Variants in SORCS3 observed in about 807,000 individuals in gnomAD.
SORCS3 encodes VPS10 domain-containing receptor SorCS3.
In SORCS3, 57 loss-of-function variants were observed where a neutral mutation model predicts 146.3. The ratio of observed to expected loss-of-function variants is 0.39; its 90% CI spans 0.31 to 0.49. The LOEUF (loss-of-function observed/expected upper bound fraction) is 0.49. Ranked by LOEUF, SORCS3 falls within the 20% of genes least tolerant of loss-of-function variation. The pLI, the probability that SORCS3 is intolerant of heterozygous loss-of-function variation, is 0.92. For missense variants in SORCS3, 1,341 were observed against 1,575.5 expected, an observed-to-expected ratio of 0.85 and a Z score of 2.52; for synonymous variants, 653 against 618.5, an observed-to-expected ratio of 1.06 and a Z score of -0.83.
chr10:104,855,683 G>A (rs567874462), intron 2 of SORCS3, among the ~76,000 whole-genome samples: 3 of 152,108 alleles, frequency 2.0e-5, no homozygotes, highest in African/African-American at 7.2e-5. Flanking sequence ...ATTTCCCCAA[G>A]ACCTTGCTCA....
At chr10:105,090,842 G>A (rs1236854281) in intron 6 of SORCS3, among the ~76,000 whole-genome samples, 1 of 152,164 alleles carries the variant, frequency 6.6e-6, no homozygotes, top group African/African-American at 2.4e-5. Context: ...TGTATAAATG[G>A]AAGGCGATTC....
chr10:105,112,131 G>A (rs1331109018), intron 7 of SORCS3, among the ~76,000 whole-genome samples: 1 of 152,052 alleles, frequency 6.6e-6, no homozygotes. Flanking sequence ...AAAGCTTATG[G>A]TATTGTTATT....
intron 7 of SORCS3, among the ~76,000 whole-genome samples, chr10:105,118,090 T>A (rs1672921315): frequency 1.3e-5 from 2 of 152,204 alleles, no homozygotes; most frequent in South Asian, 4.1e-4. Context: ...ATGGTTTGGC[T>A]GTGTCCCCAG....
intron 1 of SORCS3, among the ~76,000 whole-genome samples, chr10:104,827,149 T>C (rs1287702227): frequency 1.3e-5 from 2 of 152,200 alleles, no homozygotes; most frequent in East Asian, 3.8e-4. Context: ...AGACTCCTAT[T>C]CATGTTGATA....
At chr10:105,147,911 A>G (rs1463720957) in intron 9 of SORCS3, 115 bp downstream of exon 9, 2 of 840,770 alleles carry the variant, frequency 2.4e-6, no homozygotes, top group Non-Finnish European at 3.6e-6. Context: ...CCACTTAGCA[A>G]TTGTATGACT....
intron 4 of SORCS3, among the ~76,000 whole-genome samples, chr10:104,984,905 A>T (rs2054953409): frequency 6.6e-6 from 1 of 152,196 alleles, no homozygotes; most frequent in Admixed American, 6.5e-5. Context: ...ATTGCTAAAA[A>T]ATGCTAATGA....
chr10:104,793,034 C>T (rs2017512772), intron 1 of SORCS3, among the ~76,000 whole-genome samples: 1 of 152,152 alleles, frequency 6.6e-6, no homozygotes, highest in Non-Finnish European at 1.5e-5. Context: ...CCATTTTCAT[C>T]ATCACAACAA....
chr10:104,725,679 G>T (rs913931477), intron 1 of SORCS3, among the ~76,000 whole-genome samples: 2 of 152,224 alleles, frequency 1.3e-5, no homozygotes, highest in Non-Finnish European at 2.9e-5. Context: ...GCAATGGCGG[G>T]TGACCCTCCC....
intron 7 of SORCS3, among the ~76,000 whole-genome samples, chr10:105,114,598 G>GGT (rs1204930679): frequency 6.6e-6 from 1 of 152,076 alleles, no homozygotes; most frequent in Non-Finnish European, 1.5e-5. Flanking sequence ...AGCCTGGGAG[G>GGT]GTTTGTGCTG....
intron 2 of SORCS3, among the ~76,000 whole-genome samples, chr10:104,873,708 A>G (rs564854256): frequency 6.6e-6 from 1 of 152,190 alleles, no homozygotes; most frequent in Non-Finnish European, 1.5e-5. Flanking sequence ...AAAATATGCA[A>G]CTAGCCCTTG....
intron 19 of SORCS3, among the ~76,000 whole-genome samples, chr10:105,219,082 G>A (rs1265752053): frequency 1.3e-5 from 2 of 152,292 alleles, no homozygotes; most frequent in East Asian, 3.9e-4. Context: ...AATCAAACTG[G>A]ATGAGGTGTG....
intron 2 of SORCS3, among the ~76,000 whole-genome samples, chr10:104,851,642 C>A (rs1322494263): frequency 1.3e-5 from 2 of 151,982 alleles, no homozygotes; most frequent in African/African-American, 4.8e-5. Flanking sequence ...GATAGGTGGG[C>A]CCTTGGAATG....
At chr10:105,226,390 T>G (rs1029390201) in intron 20 of SORCS3, among the ~76,000 whole-genome samples, 4 of 152,070 alleles carry the variant, frequency 2.6e-5, no homozygotes. Flanking sequence ...TATACTTGCA[T>G]CCCTGGGATA....
At chr10:105,246,153 A>G (rs1301011047) in intron 21 of SORCS3, among the ~76,000 whole-genome samples, 3 of 152,186 alleles carry the variant, frequency 2.0e-5, no homozygotes, top group Non-Finnish European at 2.9e-5. Flanking sequence ...GGCTAAGAAT[A>G]TAAGTTAGGA....
chr10:105,218,843 G>A (rs534994552), intron 19 of SORCS3, among the ~76,000 whole-genome samples: 6 of 152,190 alleles, frequency 3.9e-5, no homozygotes, highest in East Asian at 1.9e-4. Flanking sequence ...GGTGAAACCC[G>A]TCTCTACTAG....
intron 4 of SORCS3, among the ~76,000 whole-genome samples, chr10:105,036,714 A>G (rs1287714251): frequency 6.6e-6 from 1 of 152,198 alleles, no homozygotes; most frequent in Non-Finnish European, 1.5e-5. Context: ...TGTCTATTAC[A>G]AATGCCACCA....
intron 1 of SORCS3, among the ~76,000 whole-genome samples, chr10:104,700,676 G>A (rs1336581051): frequency 6.6e-6 from 1 of 152,082 alleles, no homozygotes; most frequent in East Asian, 1.9e-4. Context: ...GGGTAGGGAG[G>A]GAGAGATCAA....
At chr10:104,724,595 C>T (rs1372665912) in intron 1 of SORCS3, among the ~76,000 whole-genome samples, 2 of 152,154 alleles carry the variant, frequency 1.3e-5, no homozygotes, top group African/African-American at 2.4e-5. Context: ...GCATTCTCCC[C>T]ATCACTTTCA....
At chr10:105,003,940 G>A (rs2055076938) in intron 4 of SORCS3, among the ~76,000 whole-genome samples, 1 of 149,876 alleles carries the variant, frequency 6.7e-6, no homozygotes, top group South Asian at 2.1e-4. Context: ...GTTTACACCT[G>A]GATGCCAAAC....
Sources: allele counts gnomAD v4.1 joint callset (sites outside exome capture counted in the v4.1 genomes callset), GRCh38; gene constraint gnomAD v4.1.1; transcripts MANE v1.5; gene names NCBI Gene and HGNC (gene_info 2026-07-23, HGNC 2026-07-21).